SUPT20H: variants seen among roughly 807,000 people sequenced by gnomAD.
SUPT20H encodes the protein transcription factor SPT20 homolog.
A neutral mutation model predicts 122.8 loss-of-function variants in SUPT20H; 82 were observed. The ratio of observed to expected loss-of-function variants is 0.67; its 90% CI spans 0.56 to 0.80. SUPT20H has a LOEUF of 0.80. SUPT20H is among the 30% of genes least tolerant of loss of function. SUPT20H has a pLI of 0.00. For synonymous variants in SUPT20H, 291 were observed against 313.0 expected, an observed-to-expected ratio of 0.93 and a Z score of 0.74; for missense variants, 831 against 921.6, an observed-to-expected ratio of 0.90 and a Z score of 1.27.
chr13:37,033,454 C>G lies in SUPT20H; in HGVS notation c.702G>C (p.Met234Ile), dbSNP rs1367786562. 6.2e-7 allele frequency: 1 copy of G among 1,609,274 alleles called. No individual in the cohort carries two copies. Among genetic ancestry groups the G allele is most frequent in the Non-Finnish European group, 8.5e-7 (1 of 1,177,874 alleles). Residue 234 changes from methionine to isoleucine, a missense_variant, in exon 10 of 26, where the codon ATG becomes ATC. Physicochemically the swap from Met to Ile is conservative, Grantham distance 10 (BLOSUM62 1). Coordinates refer to ENST00000350612, the MANE Select transcript of SUPT20H (RefSeq NM_001014286.3). The stretch of plus-strand genomic sequence containing the variant: ...CCTTCCACAAAGGCAATTACCGTTT[C>G]ATTGGGCGAGTGTTCATCTTTTGCT... The part of the protein sequence containing the change: ...YNKQKMNTRP[M>I]KRCFKRYSRS...
At chr13:37,043,207 A>G (rs767361299) in intron 7 of SUPT20H, among the ~76,000 whole-genome samples, 13 of 152,240 alleles carry the variant, frequency 8.5e-5, no homozygotes, top group Non-Finnish European at 1.8e-4. Flanking sequence ...TATAAACAGT[A>G]TACATCAACT....
Position 37,047,518 on chromosome 13 carries a change from T to C in SUPT20H, c.165+17A>G. The C allele has an allele frequency of 1.4e-6, 2 of 1,429,128 alleles. No homozygotes were observed. Among genetic ancestry groups the C allele is most frequent in the Non-Finnish European group, 1.9e-6 (2 of 1,076,548 alleles). 88.5% of individuals were successfully genotyped at this position (1,429,128 alleles called of 1,614,324 possible). On this transcript the variant is annotated intron_variant, in intron 5 of 25. Coordinates refer to ENST00000350612, the MANE Select transcript of SUPT20H (RefSeq NM_001014286.3). ...CTACATTTCAAAAGCTACAACATAA[T>C]AAAAATGTATACTTACCTTAACTTC... is the stretch of plus-strand genomic sequence containing the variant.
intron 3 of SUPT20H, among the ~76,000 whole-genome samples, 178 bp from the exon 4 acceptor site, chr13:37,048,114 G>C (rs1287094409): frequency 6.6e-6 from 1 of 152,144 alleles, no homozygotes; most frequent in African/African-American, 2.4e-5. Context: ...AATGAAATTT[G>C]AACTGCACCA....
chr13:37,026,710 G>C, intron 15 of SUPT20H, 80 bp downstream of exon 15: 1 of 824,962 alleles, frequency 1.2e-6, no homozygotes, highest in Non-Finnish European at 1.8e-6. Context: ...TTCAAATAAA[G>C]TATATTTAGC....
intron 2 of SUPT20H, among the ~76,000 whole-genome samples, chr13:37,049,157 A>G (rs2067106177): frequency 6.6e-6 from 1 of 152,196 alleles, no homozygotes; most frequent in African/African-American, 2.4e-5. Flanking sequence ...AGCATGCATC[A>G]TTATTCTGCA....
At position 37,047,579 on chromosome 13, in the gene SUPT20H, A is replaced by G; in HGVS notation, c.121T>C (p.Tyr41His). The G allele has an allele frequency of 3.5e-6, 5 of 1,418,664 alleles. No homozygotes were observed. Among genetic ancestry groups the G allele is most frequent in the Non-Finnish European group, 4.7e-6 (5 of 1,062,542 alleles). The allele number at this position is 1,418,664 out of a possible 1,614,324, so 87.9% of individuals were successfully genotyped here. Residue 41 changes from tyrosine (Y) to histidine (H), a missense_variant, in exon 5 of 26, where the codon TAT becomes CAT. Transcript: ENST00000350612. Reference protein sequence around the residue: ...SGRKSVFQKLYDLYIEECEKE... With the variant: ...SGRKSVFQKLHDLYIEECEKE... Reference sequence around the variant, plus strand: ...TCACATTCTTCAATATACAAGTCATAAAGTTTTTGAAATACAGATTTTCTA... The same window carrying G: ...TCACATTCTTCAATATACAAGTCATGAAGTTTTTGAAATACAGATTTTCTA...
intron 9 of SUPT20H, among the ~76,000 whole-genome samples, chr13:37,034,067 G>A (rs1157057514): frequency 6.6e-6 from 1 of 152,110 alleles, no homozygotes. Context: ...CCCAGTGTGG[G>A]ATCTCCCCTA....
intron 1 of SUPT20H, among the ~76,000 whole-genome samples, chr13:37,053,464 G>A (rs995779448): frequency 6.6e-6 from 1 of 151,868 alleles, no homozygotes; most frequent in African/African-American, 2.4e-5. Context: ...ATAAGTGGGA[G>A]CTGAACAGTG....
In SUPT20H at chr13:37,009,586, AT is replaced by A; in HGVS notation, c.*85del. The A allele has an allele frequency of 6.6e-7, 1 of 1,517,778 alleles. No individual in the cohort carries two copies. Among genetic ancestry groups the A allele is most frequent in the Non-Finnish European group, 9.1e-7 (1 of 1,094,310 alleles). 94.0% of individuals were successfully genotyped at this position (1,517,778 alleles called of 1,614,324 possible). On this transcript the variant is annotated 3_prime_UTR_variant, in exon 26 of 26. Transcript: ENST00000350612. ...ATCTAGCAATGTAAAATACTGACAC[AT>A]TAAAAAAAACAAAAAGTAGAAACTC...
intron 1 of SUPT20H, chr13:37,056,791 CTT>C (rs2069167304): frequency 3.3e-5 from 5 of 151,678 alleles, no homozygotes; most frequent in African/African-American, 4.8e-5. Context: ...AAAAGAAAAT[CTT>C]CTTTTCTATA....
At position 37,024,944 on chromosome 13, in the gene SUPT20H, A is replaced by T. The variant is rs148899675; in HGVS notation, c.1329+376T>A. ...CTGTACCCCCGCTCCTCAAAAAATG[A>T]TTCTTTTTTTTTTTTGAGATGGAGT... On this transcript the variant is annotated intron_variant, in intron 17 of 25. Transcript: ENST00000350612. 349 of 192,230 alleles carry T rather than the reference A, an allele frequency of 1.8e-3. 3 individuals are homozygous for T. The highest frequency in any genetic ancestry group is 7.8e-3 in the African/African-American group (323 of 41,386). The allele number at this position is 192,230 out of a possible 1,614,324, so 11.9% of individuals were successfully genotyped here. A position where few individuals can be genotyped will look rare whatever the true frequency, so the allele number is the denominator to read the frequency against.
intron 22 of SUPT20H, 90 bp from the exon 23 acceptor site, chr13:37,017,454 G>A: frequency 7.7e-7 from 1 of 1,306,604 alleles, no homozygotes; most frequent in African/African-American, 1.5e-5. Flanking sequence ...TGGATCATTT[G>A]CTATGTGTCA....
chr13:37,037,906 T>C (rs184473282), intron 9 of SUPT20H: 1 of 152,328 alleles, frequency 6.6e-6, no homozygotes, highest in East Asian at 1.9e-4. Flanking sequence ...AATTAACCAG[T>C]TGCTTTCTCA....
intron 6 of SUPT20H, among the ~76,000 whole-genome samples, 185 bp downstream of exon 6, chr13:37,045,062 T>C (rs1005656083): frequency 6.6e-6 from 1 of 152,164 alleles, no homozygotes; most frequent in African/African-American, 2.4e-5. Flanking sequence ...GTAAGAGAGA[T>C]AATTTCTAAT....
intron 7 of SUPT20H, among the ~76,000 whole-genome samples, chr13:37,041,390 C>T (rs1434886317): frequency 6.6e-6 from 1 of 151,678 alleles, no homozygotes; most frequent in East Asian, 1.9e-4. Flanking sequence ...TGGTGGCGAG[C>T]GCCTGTAGTC....
At position 37,019,340 on chromosome 13, in the gene SUPT20H, A is replaced by C. The variant is rs758325309; in HGVS notation, c.1872+2T>G. On this transcript the variant is annotated splice_donor_variant, in intron 22 of 25. Coordinates refer to ENST00000350612, the MANE Select transcript of SUPT20H (RefSeq NM_001014286.3). LOFTEE classifies it high-confidence loss of function. ...TAATCAAAAGCAGTATTTCAGGTTT[A>C]CCTGGAGTAGATTTAAGGGCCTGAG... 7 of 1,593,680 alleles carry C rather than the reference A, an allele frequency of 4.4e-6. No homozygotes were observed. The highest frequency in any genetic ancestry group is 6.0e-6 in the Non-Finnish European group (7 of 1,172,962).
At chr13:37,047,775 G>A in intron 4 of SUPT20H, 103 bp downstream of exon 4, 6 of 1,286,348 alleles carry the variant, frequency 4.7e-6, no homozygotes, top group East Asian at 2.5e-5. Flanking sequence ...TACATGCAAA[G>A]AACCTATAAA....
chr13:37,038,129 C>T (rs2064844450), intron 9 of SUPT20H: 2 of 151,650 alleles, frequency 1.3e-5, no homozygotes, highest in Admixed American at 1.3e-4. Context: ...CAATAATTGA[C>T]TGTCTCATCT....
At chr13:37,049,981 A>C (rs1369443604) in intron 2 of SUPT20H, among the ~76,000 whole-genome samples, 1 of 152,182 alleles carries the variant, frequency 6.6e-6, no homozygotes, top group Non-Finnish European at 1.5e-5. Context: ...ACCACCCACC[A>C]AAGTCCCAGG....
Sources: gnomAD v4.1 joint callset for allele counts (sites outside exome capture counted in the v4.1 genomes callset) on GRCh38, gnomAD v4.1.1 for gene constraint, MANE v1.5 for transcripts, NCBI Gene and HGNC (gene_info 2026-07-23, HGNC 2026-07-21) for gene names.